Variants in ACRBP observed in about 807,000 individuals in gnomAD.
ACRBP encodes acrosin binding protein, also known as acrosin-binding protein.
Under a neutral mutation model 69.0 loss-of-function variants are expected in ACRBP, and 52 were observed. The observed-to-expected ratio is 0.75, with a 90% confidence interval of 0.60 to 0.95. The LOEUF (loss-of-function observed/expected upper bound fraction) is 0.95, where lower values mean the gene tolerates loss of function less well. ACRBP is among the 40% of genes least tolerant of loss of function. ACRBP has a pLI of 0.00. For missense variants in ACRBP, 604 were observed against 673.0 expected (o/e 0.90, Z 1.13); for synonymous variants, 267 against 258.9 (o/e 1.03, Z -0.30).
At position 6,640,401 on chromosome 12, in the gene ACRBP, T is replaced by G. The variant is rs778764004; in HGVS notation, c.1199A>C (p.His400Pro). 3.7e-6 allele frequency: 6 copies of G among 1,614,148 alleles called. No individual in the cohort carries two copies. The Admixed American group carries it at 5.0e-5, about 13-fold the overall frequency. ...CAAGGGGCTGACAAAGGGAGTCTTG[T>G]GGGAGGTGTCGCATTGTTGCCGCTG... The part of the protein sequence containing the change: ...SLQRQQCDTS[H>P]KTPFVSPLLA... The change falls in exon 7 of 10, where the codon CAC becomes CCC. Residue 400 changes from histidine to proline, a missense_variant. His to Pro is a moderately conservative substitution (Grantham distance 77). Transcript: ENST00000229243. The surrounding 1 kb of genome is among the most constrained non-coding windows in gnomAD (Gnocchi z 5.3).
chr12:6,642,391 A>G (rs376586995), intron 6 of ACRBP, among the ~76,000 whole-genome samples: 14 of 152,162 alleles, frequency 9.2e-5, no homozygotes, highest in African/African-American at 2.7e-4. Flanking sequence ...TCTTTAAATC[A>G]TCTTGAAATG....
At position 6,638,136 on chromosome 12, in the gene ACRBP, T is replaced by C. The variant is rs900778468; in HGVS notation, c.*146A>G. 8.6e-7 allele frequency: 1 copy of C among 1,166,590 alleles called. No homozygotes were observed. Among genetic ancestry groups the C allele is most frequent in the Non-Finnish European group, 1.2e-6 (1 of 824,276 alleles). 72.3% of individuals were successfully genotyped at this position (1,166,590 alleles called of 1,614,324 possible). On this transcript the variant is annotated 3_prime_UTR_variant, in exon 10 of 10. Transcript: ENST00000229243. ...GAGGGCGCAGCTCCCACCGTGGCCC[T>C]CTCTGGGACTGTTGCTCCAACCCAA...
chr12:6,638,715 T>C (rs1949029303), intron 9 of ACRBP: 1 of 1,428,646 alleles, frequency 7.0e-7, no homozygotes, highest in Non-Finnish European at 9.1e-7. Context: ...CCAAGGGTTC[T>C]TCCTGTGGTG....
chr12:6,641,952 G>T (rs1255592237), intron 6 of ACRBP, among the ~76,000 whole-genome samples: 2 of 152,100 alleles, frequency 1.3e-5, no homozygotes, highest in Non-Finnish European at 2.9e-5. Context: ...TTCTCTATCA[G>T]GAATCTTCTA....
chr12:6,640,515 T>A lies in ACRBP; in HGVS notation c.1085A>T (p.Asp362Val). The change falls in exon 7 of 10, where the codon GAC (aspartate) becomes GTC (valine). Residue 362 changes from aspartate (D) to valine (V), a missense_variant. Coordinates refer to ENST00000229243, the MANE Select transcript of ACRBP (RefSeq NM_032489.3). This position sits in a 1 kb window ranked among gnomAD's most constrained non-coding sequence, Gnocchi z 5.3. ...EILGFGKSVC[D>V]SLGRRHMSTC... ...AGACATGTGTCGCCGCCCAAGGCTGTCACAGACCTGGGGCAGGGGAATGGG... is the reference window on the plus strand; with the variant it reads ...AGACATGTGTCGCCGCCCAAGGCTGACACAGACCTGGGGCAGGGGAATGGG... 6.2e-7 allele frequency: 1 copy of A among 1,613,550 alleles called. No homozygotes were observed. Among genetic ancestry groups the A allele is most frequent in the South Asian group, 1.1e-5 (1 of 91,042 alleles).
chr12:6,645,154 T>C, intron 4 of ACRBP, 66 bp downstream of exon 4: 1 of 1,294,814 alleles, frequency 7.7e-7, no homozygotes, highest in Non-Finnish European at 1.1e-6. Context: ...CATGGATGCC[T>C]TACGTTGTGG....
Position 6,638,150 on chromosome 12 carries a change from G to T in ACRBP, c.*132C>A. 2 of 1,334,768 alleles carry T rather than the reference G, an allele frequency of 1.5e-6. No homozygotes were observed. The highest frequency in any genetic ancestry group is 2.1e-6 in the Non-Finnish European group (2 of 966,812). The allele number at this position is 1,334,768 out of a possible 1,614,324, so 82.7% of individuals were successfully genotyped here. A position where few individuals can be genotyped will look rare whatever the true frequency, so the allele number is the denominator to read the frequency against. ...CACCGTGGCCCTCTCTGGGACTGTTGCTCCAACCCAAGGAAATGTGAGTAG... is the reference window on the plus strand; with the variant it reads ...CACCGTGGCCCTCTCTGGGACTGTTTCTCCAACCCAAGGAAATGTGAGTAG... On this transcript the variant is annotated 3_prime_UTR_variant, in exon 10 of 10. Coordinates refer to ENST00000229243, the MANE Select transcript of ACRBP (RefSeq NM_032489.3).
rs200384019 is a variant in ACRBP, at chr12:6,646,869, G to A, written c.187C>T (p.Arg63Cys). Residue 63 changes from arginine (R) to cysteine (C), a missense_variant, in exon 2 of 10, where the codon CGT becomes TGT. Physicochemically the swap from Arg to Cys is radical, Grantham distance 180. This residue lies in a region of ACRBP where 532 missense variants were observed against 562.9 expected (regional missense o/e 0.95). Coordinates refer to ENST00000229243, the MANE Select transcript of ACRBP (RefSeq NM_032489.3). ...GGATTCCGGCAGCCGTGGGTTGCAC[G>A]GAGACGGCAGGTAGTCTCTGCCTTC... is the stretch of plus-strand genomic sequence containing the variant. Reference protein sequence around the residue: ...TWKAETTCRLRATHGCRNPTL... With the variant: ...TWKAETTCRLCATHGCRNPTL... 270 of 1,614,056 alleles carry A rather than the reference G, an allele frequency of 1.7e-4. 3 individuals are homozygous for A. Among genetic ancestry groups the A allele is most frequent in the Non-Finnish European group, 1.7e-5 (20 of 1,180,042 alleles).
rs1187578410 is a variant in ACRBP at position 6,644,312 on chromosome 12, G to C, written c.769C>G (p.His257Asp). ...GGGTTAGAAGATAGAGATTCAGAGT[G>C]AAACTTGGGCTCTGAGTCTGTCTGC... ...QLQTDSEPKFHSESLSSNPSS... is the reference protein window; with the variant it reads ...QLQTDSEPKFDSESLSSNPSS... The change falls in exon 5 of 10, where the codon CAC (histidine) becomes GAC (aspartate). Residue 257 changes from histidine (H) to aspartate (D), a missense_variant. This residue lies in a region of ACRBP where 532 missense variants were observed against 562.9 expected (regional missense o/e 0.95). Transcript: ENST00000229243. 1 of 1,614,048 alleles carries C rather than the reference G, an allele frequency of 6.2e-7. No homozygotes were observed. Among genetic ancestry groups the C allele is most frequent in the Non-Finnish European group, 8.5e-7 (1 of 1,180,028 alleles).
chr12:6,638,711 G>C lies in ACRBP; in HGVS notation c.1509+243C>G, dbSNP rs1949029277. 1.4e-5 allele frequency: 20 copies of C among 1,427,720 alleles called. 1 individual carries two copies. The South Asian group carries it at 3.0e-4, about 22-fold the overall frequency. 88.4% of individuals were successfully genotyped at this position (1,427,720 alleles called of 1,614,324 possible). A position where few individuals can be genotyped will look rare whatever the true frequency, so the allele number is the denominator to read the frequency against. ...CGTCCAAGTCCTGGCCCAGCCAAGGGTTCTTCCTGTGGTGCTCTTAGGACC... is the reference window on the plus strand; with the variant it reads ...CGTCCAAGTCCTGGCCCAGCCAAGGCTTCTTCCTGTGGTGCTCTTAGGACC... On this transcript the variant is annotated intron_variant, in intron 9 of 9. Transcript: ENST00000229243.
rs1445306562 is a variant in ACRBP, at chr12:6,646,486, G to A, written c.354C>T (p.Ala118=). 8 of 1,613,862 alleles carry A rather than the reference G, an allele frequency of 5.0e-6. No homozygotes were observed. Among genetic ancestry groups the A allele is most frequent in the Non-Finnish European group, 6.8e-6 (8 of 1,179,830 alleles). ...CAACCTTTGTCCTGGGCCTCACCTT[G>A]GCATAGTAGACGTGGTTGGAGCAAC... The part of the protein sequence containing the change: ...HYRCSNHVYY[A]KRVLCSQPVS... The change falls in exon 3 of 10, where the codon GCC becomes GCT. Residue 118 remains alanine, a synonymous_variant. Coordinates refer to ENST00000229243, the MANE Select transcript of ACRBP (RefSeq NM_032489.3).
intron 1 of ACRBP, 44 bp from the exon 2 acceptor site, chr12:6,647,056 AC>A: frequency 6.4e-7 from 1 of 1,561,002 alleles, no homozygotes; most frequent in Non-Finnish European, 8.7e-7. Flanking sequence ...GAACCCCAAA[AC>A]CCGCTCCGAG....
At chr12:6,638,588 C>T in intron 9 of ACRBP, 184 bp from the exon 10 acceptor site, 1 of 1,206,610 alleles carries the variant, frequency 8.3e-7, no homozygotes, top group Non-Finnish European at 1.1e-6. Context: ...GCAGCCCAAC[C>T]CCTTTCATGC....
rs2136249267 is a variant in ACRBP, at chr12:6,640,666, C to T, written c.1078-144G>A. The T allele has an allele frequency of 2.3e-6, 2 of 881,734 alleles. No homozygotes were observed. The highest frequency in any genetic ancestry group is 3.4e-6 in the Non-Finnish European group (2 of 588,662). The allele number at this position is 881,734 out of a possible 1,614,324, so 54.6% of individuals were successfully genotyped here. A position where few individuals can be genotyped will look rare whatever the true frequency, so the allele number is the denominator to read the frequency against. On this transcript the variant is annotated intron_variant, in intron 6 of 9. Transcript: ENST00000229243. The surrounding 1 kb of genome is among the most constrained non-coding windows in gnomAD (Gnocchi z 5.3). Reference sequence around the variant, plus strand: ...TTCTCTGGGTTTTCTACTTGGCCTCCTCCCCAAGGGTTCCTCAAGGACCTT... The same window carrying T: ...TTCTCTGGGTTTTCTACTTGGCCTCTTCCCCAAGGGTTCCTCAAGGACCTT...
At chr12:6,646,709 G>C in intron 2 of ACRBP, 85 bp downstream of exon 2, 1 of 1,549,780 alleles carries the variant, frequency 6.5e-7, no homozygotes, top group African/African-American at 1.4e-5. Context: ...GCCCTTCCCC[G>C]CCTCACATGA....
chr12:6,640,331 C>T lies in ACRBP; in HGVS notation c.1257+12G>A, dbSNP rs201606879. ...TTCTGCCTTTCCCACTGCGGGCTGC[C>T]GGGCTAGATACCTGGTTGCCGATGG... On this transcript the variant is annotated intron_variant, in intron 7 of 9. Coordinates refer to ENST00000229243, the MANE Select transcript of ACRBP (RefSeq NM_032489.3). This position sits in a 1 kb window ranked among gnomAD's most constrained non-coding sequence, Gnocchi z 5.3. The T allele has an allele frequency of 4.3e-4, 694 of 1,614,006 alleles. 5 individuals carry two copies. In the East Asian group the frequency reaches 0.012, roughly 27 times the overall value.
Position 6,644,306 on chromosome 12 carries a change from CAGAGTG to C in ACRBP, c.769_774del (p.His257_Ser258del). 3.1e-6 allele frequency: 5 copies of C among 1,614,164 alleles called. No individual in the cohort carries two copies. Among genetic ancestry groups the C allele is most frequent in the Non-Finnish European group, 4.2e-6 (5 of 1,180,042 alleles). On this transcript the variant is annotated inframe_deletion, in exon 5 of 10. Coordinates refer to ENST00000229243, the MANE Select transcript of ACRBP (RefSeq NM_032489.3). ...GAGGAAGGGTTAGAAGATAGAGATTCAGAGTGAAACTTGGGCTCTGAGTCTGTCTGC... is the reference window on the plus strand; with the variant it reads ...GAGGAAGGGTTAGAAGATAGAGATTCAAACTTGGGCTCTGAGTCTGTCTGC...
Position 6,643,557 on chromosome 12 carries a change from G to T in ACRBP, c.1059C>A (p.Ile353=), listed in dbSNP as rs918306175. 5.0e-6 allele frequency: 8 copies of T among 1,614,078 alleles called. No individual in the cohort carries two copies. Among genetic ancestry groups the T allele is most frequent in the Non-Finnish European group, 6.8e-6 (8 of 1,180,040 alleles). The change falls in exon 6 of 10, where the codon ATC becomes ATA. Residue 353 remains isoleucine (I), a synonymous_variant. Coordinates refer to ENST00000229243, the MANE Select transcript of ACRBP (RefSeq NM_032489.3). ...AKAWKYMEEE[I]LGFGKSVCDS... ...GGCATACCGACTTCCCGAAACCAAG[G>T]ATCTCCTCCTCCATGTACTTCCAGG...
chr12:6,641,012 CAG>C (rs1949048766), intron 6 of ACRBP, among the ~76,000 whole-genome samples: 1 of 152,234 alleles, frequency 6.6e-6, no homozygotes, highest in Non-Finnish European at 1.5e-5. Flanking sequence ...AACCCTATAA[CAG>C]CAGAGATACT....
Sources: gnomAD v4.1 joint callset for allele counts (sites outside exome capture counted in the v4.1 genomes callset) on GRCh38, gnomAD v4.1.1 for gene constraint, gnomAD v4.1.1 regional missense constraint, Gnocchi (gnomAD v3.1) non-coding constraint, MANE v1.5 for transcripts, NCBI Gene and HGNC (gene_info 2026-07-23, HGNC 2026-07-21) for gene names.